The following LARP7 variants were observed in gnomAD, a reference collection of about 807,000 sequenced individuals.
LARP7 encodes the protein la-related protein 7.
A neutral mutation model predicts 69.3 loss-of-function variants in LARP7; 52 were observed. The observed-to-expected ratio is 0.75, with a 90% CI of 0.60 to 0.95. The LOEUF (loss-of-function observed/expected upper bound fraction) is 0.95, where lower values mean the gene tolerates loss of function less well. LARP7 is among the 40% of genes least tolerant of loss of function. The pLI, the probability that LARP7 is intolerant of heterozygous loss-of-function variation, is 0.00. For missense variants in LARP7, 733 were observed against 673.0 expected, an observed-to-expected ratio of 1.09 and a Z score of -0.99; for synonymous variants, 254 against 215.9, an observed-to-expected ratio of 1.18 and a Z score of -1.55.
intron 1 of LARP7, among the ~76,000 whole-genome samples, chr4:112,639,032 G>A (rs2047845332): frequency 6.6e-6 from 1 of 152,104 alleles, no homozygotes; most frequent in African/African-American, 2.4e-5. Flanking sequence ...AAACATACCT[G>A]GGACAACTTA....
At chr4:112,656,450 T>C (rs2149290410) in intron 12 of LARP7, among the ~76,000 whole-genome samples, 1 of 152,276 alleles carries the variant, frequency 6.6e-6, no homozygotes, top group Middle Eastern at 3.4e-3. Flanking sequence ...AAATTAGTGA[T>C]GTATCACAAA....
intron 2 of LARP7, among the ~76,000 whole-genome samples, chr4:112,646,001 TTTTG>T (rs531226353): frequency 9.6e-4 from 130 of 135,192 alleles, no homozygotes; most frequent in African/African-American, 3.5e-3. Flanking sequence ...TACAGTTTTT[TTTTG>T]TTTGTTTTGT....
At position 112,646,969 on chromosome 4, in the gene LARP7, C is replaced by CT. The variant is rs768467005; in HGVS notation, c.552+15dup. ...AAAGCAATTGAGGTAAGTCCAGATCCTAAAAAAAAAAAAAGAAAGAAAAGA... is the reference window on the plus strand; with the variant it reads ...AAAGCAATTGAGGTAAGTCCAGATCCTTAAAAAAAAAAAAAGAAAGAAAAGA... On this transcript the variant is annotated intron_variant, in intron 5 of 12. Transcript: ENST00000344442. The CT allele has an allele frequency of 1.3e-6, 2 of 1,565,048 alleles. No individual in the cohort carries two copies. Among genetic ancestry groups the CT allele is most frequent in the South Asian group, 2.4e-5 (2 of 83,836 alleles).
chr4:112,640,800 G>A (rs2047930167), intron 1 of LARP7, among the ~76,000 whole-genome samples: 2 of 152,218 alleles, frequency 1.3e-5, no homozygotes, highest in Admixed American at 6.5e-5. Flanking sequence ...AAGGTCAGCA[G>A]GGAGGGAATA....
At chr4:112,644,915 C>T in intron 2 of LARP7, 44 bp downstream of exon 2, 3 of 874,676 alleles carry the variant, frequency 3.4e-6, no homozygotes, top group Non-Finnish European at 5.0e-6. Context: ...GATATGGTTG[C>T]CTTTAAATTT....
In LARP7 at chr4:112,644,774, T is replaced by A; in HGVS notation, c.105T>A (p.Leu35=). Residue 35 remains leucine, a synonymous_variant, in exon 2 of 13, where the codon CTT becomes CTA. Coordinates refer to ENST00000344442, the MANE Select transcript of LARP7 (RefSeq NM_016648.4). Reference sequence around the variant, plus strand: ...AACGGTCACGAGTTAAACAGGTGCTTGCAGATATTGCTAAGCAAGTGGACT... The same window carrying A: ...AACGGTCACGAGTTAAACAGGTGCTAGCAGATATTGCTAAGCAAGTGGACT... ...KKKRSRVKQV[L]ADIAKQVDFW... is the part of the protein sequence containing the mutation. 1 of 1,608,768 alleles carries A rather than the reference T, an allele frequency of 6.2e-7. No homozygotes were observed. The highest frequency in any genetic ancestry group is 8.5e-7 in the Non-Finnish European group (1 of 1,176,498).
chr4:112,646,332 A>C lies in LARP7; in HGVS notation c.203-19A>C, dbSNP rs374437430. On this transcript the variant is annotated intron_variant, in intron 2 of 12. Coordinates refer to ENST00000344442, the MANE Select transcript of LARP7 (RefSeq NM_016648.4). ...ATCCTGCTGATACACTAACATATTA[A>C]CTTTTTCATTTTCTTTAGATGTTGA... The C allele has an allele frequency of 7.6e-5, 93 of 1,225,330 alleles. No individual in the cohort carries two copies. Among genetic ancestry groups the C allele is most frequent in the Non-Finnish European group, 1.1e-4 (91 of 839,636 alleles). The allele number at this position is 1,225,330 out of a possible 1,614,324, so 75.9% of individuals were successfully genotyped here. A position where few individuals can be genotyped will look rare whatever the true frequency, so the allele number is the denominator to read the frequency against.
chr4:112,650,800 G>A (rs2048693504), intron 10 of LARP7, among the ~76,000 whole-genome samples: 1 of 152,094 alleles, frequency 6.6e-6, no homozygotes, highest in South Asian at 2.1e-4. Flanking sequence ...TGTAAGCACA[G>A]TTTAAACATC....
intron 10 of LARP7, among the ~76,000 whole-genome samples, chr4:112,651,003 A>C (rs756664933): frequency 2.0e-5 from 3 of 152,202 alleles, no homozygotes; most frequent in Non-Finnish European, 4.4e-5. Flanking sequence ...ATTGCTGTAC[A>C]TACAGGTTTA....
intron 1 of LARP7, among the ~76,000 whole-genome samples, chr4:112,638,887 A>T (rs991656967): frequency 2.0e-5 from 3 of 152,190 alleles, no homozygotes; most frequent in Non-Finnish European, 2.9e-5. Flanking sequence ...ATCATTTACA[A>T]TTTAATGGAG....
At position 112,646,908 on chromosome 4, in the gene LARP7, G is replaced by A; in HGVS notation, c.505G>A (p.Ala169Thr). The A allele has an allele frequency of 6.2e-7, 1 of 1,609,244 alleles. No individual in the cohort carries two copies. The highest frequency in any genetic ancestry group is 8.5e-7 in the Non-Finnish European group (1 of 1,179,110). ...GTCTACTGGAGATCCAAAGGGATTT[G>A]CGTTTGTGGAATTTGAAACAAAAGA... ...YKSTGDPKGF[A>T]FVEFETKEQA... The change falls in exon 5 of 13, where the codon GCG becomes ACG. Residue 169 changes from alanine to threonine, a missense_variant. Coordinates refer to ENST00000344442, the MANE Select transcript of LARP7 (RefSeq NM_016648.4).
At chr4:112,644,570 C>A in intron 1 of LARP7, 98 bp from the exon 2 acceptor site, 1 of 1,042,954 alleles carries the variant, frequency 9.6e-7, no homozygotes, top group South Asian at 2.2e-5. Context: ...AATGTGAGTC[C>A]ATTATTCTCT....
intron 12 of LARP7, chr4:112,654,765 G>A (rs2048889237): frequency 6.6e-6 from 1 of 152,156 alleles, no homozygotes; most frequent in African/African-American, 2.4e-5. Flanking sequence ...GCAAGACCCT[G>A]TCTCTTAAAG....
Position 112,654,163 on chromosome 4 carries a change from A to AT in LARP7, c.1668+6dup. On this transcript the variant is annotated splice_donor_region_variant and intron_variant, in intron 12 of 12. Transcript: ENST00000344442. ...AAAGAAAAGAGGCACTGAAAAGGTA[A>AT]TTGATTCATTTTTGTTTTTTTAGAC... 1.2e-6 allele frequency: 2 copies of AT among 1,610,144 alleles called. No homozygotes were observed. Among genetic ancestry groups the AT allele is most frequent in the Non-Finnish European group, 1.7e-6 (2 of 1,176,684 alleles).
Position 112,653,256 on chromosome 4 carries a change from T to A in LARP7, c.1576+20T>A. The A allele has an allele frequency of 6.4e-7, 1 of 1,555,042 alleles. No homozygotes were observed. Among genetic ancestry groups the A allele is most frequent in the South Asian group, 1.2e-5 (1 of 81,960 alleles). ...TTTCTGGTAAAACTTCATAGACGTTTCCTTTTTTTTTTGTTATCATCCTTA... is the reference window on the plus strand; with the variant it reads ...TTTCTGGTAAAACTTCATAGACGTTACCTTTTTTTTTTGTTATCATCCTTA... On this transcript the variant is annotated intron_variant, in intron 11 of 12. Coordinates refer to ENST00000344442, the MANE Select transcript of LARP7 (RefSeq NM_016648.4).
chr4:112,647,259 C>A lies in LARP7; in HGVS notation c.707C>A (p.Ala236Asp). 6.2e-7 allele frequency: 1 copy of A among 1,611,340 alleles called. No individual in the cohort carries two copies. The highest frequency in any genetic ancestry group is 8.5e-7 in the Non-Finnish European group (1 of 1,179,334). ...GRMKKEDNIQ[A>D]KEENMDTSNT... ...ATGAAAAAGGAAGACAATATCCAAG[C>A]CAAAGAAGAAAACATGGACACAAGC... is the stretch of plus-strand genomic sequence containing the variant. Residue 236 changes from alanine to aspartate, a missense_variant, in exon 7 of 13, where the codon GCC becomes GAC. By Grantham distance (126) the Ala-to-Asp change is moderately radical (BLOSUM62 -2). Coordinates refer to ENST00000344442, the MANE Select transcript of LARP7 (RefSeq NM_016648.4).
Position 112,650,602 on chromosome 4 carries a change from A to G in LARP7, c.1416+20A>G, listed in dbSNP as rs1323929263. The G allele has an allele frequency of 3.1e-6, 5 of 1,604,138 alleles. No individual in the cohort carries two copies. The highest frequency in any genetic ancestry group is 1.7e-4 in the Middle Eastern group (1 of 6,052). On this transcript the variant is annotated intron_variant, in intron 10 of 12. Transcript: ENST00000344442. ...GTCCGGGTAATGATTTTGAGCCCCT[A>G]GGGTATTTGTTCCTTTCTTCTCTTA...
Position 112,647,548 on chromosome 4 carries a change from AG to A in LARP7, c.997+1del. On this transcript the variant is annotated frameshift_variant and splice_region_variant, in exon 7 of 13. Coordinates refer to ENST00000344442, the MANE Select transcript of LARP7 (RefSeq NM_016648.4). LOFTEE classifies it high-confidence loss of function. ...CATCAGAAGCTTCCAAGGAAAATAG[AG>A]GTAAAACTACAAGGTTTTAATTAGA... ...EASEASKENR[D>X]IEISTEEEKD... 6.3e-7 allele frequency: 1 copy of A among 1,587,334 alleles called. No individual in the cohort carries two copies. The highest frequency in any genetic ancestry group is 8.6e-7 in the Non-Finnish European group (1 of 1,169,160).
At chr4:112,656,277 A>G (rs2048951721) in intron 12 of LARP7, among the ~76,000 whole-genome samples, 1 of 152,106 alleles carries the variant, frequency 6.6e-6, no homozygotes, top group African/African-American at 2.4e-5. Flanking sequence ...ACGCACATGT[A>G]ATCCCAGCTA....
Sources: allele counts gnomAD v4.1 joint callset (sites outside exome capture counted in the v4.1 genomes callset), GRCh38; gene constraint gnomAD v4.1.1; transcripts MANE v1.5; gene names NCBI Gene and HGNC (gene_info 2026-07-23, HGNC 2026-07-21).